Variants in EXOC4 observed in about 807,000 individuals in gnomAD.
The protein encoded by EXOC4 is SEC8-like 1.
Under a neutral mutation model 107.2 loss-of-function variants are expected in EXOC4, and 71 were observed. The observed-to-expected ratio is 0.66, with a 90% CI of 0.55 to 0.81. EXOC4 has a LOEUF of 0.81. Among genes scored for constraint, EXOC4 ranks in the 30% least tolerant of loss-of-function variants. The pLI is 0.00. For synonymous variants in EXOC4, 456 were observed against 441.2 expected, an observed-to-expected ratio of 1.03 and a Z score of -0.42; for missense variants, 1,108 against 1,189.6, an observed-to-expected ratio of 0.93 and a Z score of 1.01.
chr7:133,444,516 GAGACGGTAAAC>G (rs1798174802), intron 7 of EXOC4, among the ~76,000 whole-genome samples: 1 of 152,158 alleles, frequency 6.6e-6, no homozygotes, highest in Admixed American at 6.6e-5. Context: ...TGGGCATGTG[GAGACGGTAAAC>G]TACACACATA....
intron 10 of EXOC4, among the ~76,000 whole-genome samples, chr7:133,715,999 T>G (rs1385587218): frequency 1.3e-5 from 2 of 152,238 alleles, no homozygotes; most frequent in African/African-American, 4.8e-5. Context: ...TTAAAGCAGT[T>G]AACTCTGCTG....
At chr7:134,011,034 T>A (rs1348956879) in intron 17 of EXOC4, among the ~76,000 whole-genome samples, 5 of 152,236 alleles carry the variant, frequency 3.3e-5, no homozygotes, top group African/African-American at 4.8e-5. Context: ...ATGGTAATGA[T>A]CATTTAAGCT....
intron 10 of EXOC4, among the ~76,000 whole-genome samples, chr7:133,750,542 C>T (rs1162191734): frequency 2.0e-5 from 3 of 151,326 alleles, no homozygotes; most frequent in African/African-American, 7.3e-5. Context: ...TGCTAGAGAA[C>T]GTGAGTAACT....
At chr7:133,622,697 A>T (rs1802363400) in intron 9 of EXOC4, among the ~76,000 whole-genome samples, 1 of 152,114 alleles carries the variant, frequency 6.6e-6, no homozygotes, top group South Asian at 2.1e-4. Context: ...TTTTGTCTTG[A>T]ATAACCAGCT....
chr7:133,919,683 A>G (rs13231095), intron 13 of EXOC4, among the ~76,000 whole-genome samples: 70,495 of 151,924 alleles, frequency 0.46, 17,565 homozygotes, highest in African/African-American at 0.64. Context: ...TGTGCATTTA[A>G]GTTTCCTCCA....
At chr7:134,075,388 G>A in the EXOC4 span, among the ~76,000 whole-genome samples, 1 of 152,184 alleles carries the variant, frequency 6.6e-6, no homozygotes, top group African/African-American at 2.4e-5. Context: ...CCAAGACTGA[G>A]TAGTTTATAA....
At chr7:133,636,305 A>ACTC (rs1802709281) in intron 10 of EXOC4, among the ~76,000 whole-genome samples, 4 of 152,290 alleles carry the variant, frequency 2.6e-5, no homozygotes, top group Admixed American at 1.3e-4. Flanking sequence ...GCATTAAATA[A>ACTC]ATGAGTTGGT....
chr7:133,895,819 T>C, intron 12 of EXOC4, 84 bp downstream of exon 12: 1 of 1,435,798 alleles, frequency 7.0e-7, no homozygotes, highest in Non-Finnish European at 9.6e-7. Flanking sequence ...AATAGCCTAA[T>C]TTCCAAAAGG....
intron 6 of EXOC4, among the ~76,000 whole-genome samples, chr7:133,363,673 A>G (rs545525815): frequency 1.3e-5 from 2 of 152,190 alleles, no homozygotes; most frequent in African/African-American, 2.4e-5. Context: ...AGTAGGTTCA[A>G]ATTAAAGATC....
intron 9 of EXOC4, among the ~76,000 whole-genome samples, chr7:133,486,799 T>C (rs1799277254): frequency 6.6e-6 from 1 of 152,160 alleles, no homozygotes; most frequent in Non-Finnish European, 1.5e-5. Context: ...AACTTACTTA[T>C]ATGTAAGATT....
chr7:133,342,583 G>A (rs1795687979), intron 5 of EXOC4, among the ~76,000 whole-genome samples: 1 of 152,066 alleles, frequency 6.6e-6, no homozygotes, highest in Non-Finnish European at 1.5e-5. Flanking sequence ...GCAAGGCCAG[G>A]GAAATTTTCC....
chr7:133,771,356 A>G (rs1796239415), intron 10 of EXOC4: 1 of 152,006 alleles, frequency 6.6e-6, no homozygotes, highest in African/African-American at 2.4e-5. Flanking sequence ...TGTGAAAGAA[A>G]AAATGAATTG....
In EXOC4 at chr7:133,836,721, A is replaced by G. The variant is rs531065853; in HGVS notation, c.1734+19177A>G. On this transcript the variant is annotated intron_variant, in intron 11 of 17. Transcript: ENST00000253861. ...CCAGAATGCTGTCTGAAAAGTCACA[A>G]TGATTTAAATAATTGATGGCTACTT... Among the ~76,000 whole-genome samples, 5 of 152,240 alleles carry G rather than the reference A, an allele frequency of 3.3e-5. No individual in the cohort carries two copies. The South Asian group carries it at 8.3e-4, about 25-fold the overall frequency.
chr7:133,448,495 A>G (rs563325577), intron 7 of EXOC4, among the ~76,000 whole-genome samples: 2 of 152,154 alleles, frequency 1.3e-5, no homozygotes, highest in African/African-American at 4.8e-5. Context: ...TTTTGTAGAG[A>G]CAGGGTCTCA....
intron 9 of EXOC4, among the ~76,000 whole-genome samples, chr7:133,588,879 A>G (rs1801470095): frequency 6.9e-6 from 1 of 144,066 alleles, no homozygotes; most frequent in Non-Finnish European, 1.5e-5. Context: ...CTCAGTCTCA[A>G]AAAAGTGTGT....
rs1377420996 is a variant in EXOC4, at chr7:133,584,582, T to TTG, written c.1418-45462_1418-45461insGT. On this transcript the variant is annotated intron_variant, in intron 9 of 17. Transcript: ENST00000253861. ...GTTTTTTACGTATTTCAGTTTTTTT[T>TTG]TTGTTTTTTTTTTTGAGACAGAGTC... Among the ~76,000 whole-genome samples, 9 of 136,938 alleles carry TTG rather than the reference T, an allele frequency of 6.6e-5. No individual in the cohort carries two copies. In the East Asian group the frequency reaches 8.4e-4, roughly 13 times the overall value. 89.8% of individuals were successfully genotyped at this position (136,938 alleles called of 152,430 possible).
intron 10 of EXOC4, among the ~76,000 whole-genome samples, chr7:133,635,305 T>G (rs1045418948): frequency 2.0e-5 from 3 of 152,168 alleles, no homozygotes; most frequent in African/African-American, 7.2e-5. Context: ...TTGAAAGTAC[T>G]TTGTAGCTGT....
intron 9 of EXOC4, among the ~76,000 whole-genome samples, chr7:133,588,308 C>A (rs1463920677): frequency 6.6e-6 from 1 of 152,176 alleles, no homozygotes; most frequent in Non-Finnish European, 1.5e-5. Flanking sequence ...GATTTTCTTT[C>A]CTCCCTTCTT....
rs536874735 is a variant in EXOC4, at chr7:133,436,808, T to C, written c.1183-38520T>C. On this transcript the variant is annotated intron_variant, in intron 7 of 17. Coordinates refer to ENST00000253861, the MANE Select transcript of EXOC4 (RefSeq NM_021807.4). ...TACCCTCCCCCTTTATTTTAGCTTG[T>C]AGGAAATGCATTTCTTCTGTTTTGC... Among the ~76,000 whole-genome samples the C allele has an allele frequency of 9.1e-4, 138 of 152,352 alleles. 2 individuals are homozygous for C. Among genetic ancestry groups the C allele is most frequent in the Non-Finnish European group, 9.1e-4 (62 of 68,016 alleles).
Sources: gnomAD v4.1 joint callset for allele counts (sites outside exome capture counted in the v4.1 genomes callset) on GRCh38, gnomAD v4.1.1 for gene constraint, MANE v1.5 for transcripts, NCBI Gene and HGNC (gene_info 2026-07-23, HGNC 2026-07-21) for gene names.